Variants in CGNL1 observed in about 807,000 individuals in gnomAD.
CGNL1 encodes cingulin like 1.
Under a neutral mutation model 141.2 loss-of-function variants are expected in CGNL1, and 132 were observed. That is an observed-to-expected ratio of 0.93 (90% CI 0.81 to 1.08). The LOEUF (loss-of-function observed/expected upper bound fraction) is 1.08, where lower values mean the gene tolerates loss of function less well. Among genes scored for constraint, CGNL1 ranks in the 50% least tolerant of loss-of-function variants. The pLI, the probability that CGNL1 is intolerant of heterozygous loss-of-function variation, is 0.00. For synonymous variants in CGNL1, 690 were observed against 622.1 expected (o/e 1.11, Z -1.63); for missense variants, 1,870 against 1,588.6 (o/e 1.18, Z -3.01).
rs137969392 is a variant in CGNL1, at chr15:57,465,944, A to C, written c.2403+4052A>C. Among the ~76,000 whole-genome samples, 401 of 152,314 alleles carry C rather than the reference A, an allele frequency of 2.6e-3. 1 individual carries two copies. Among genetic ancestry groups the C allele is most frequent in the African/African-American group, 9.4e-3 (390 of 41,560 alleles). On this transcript the variant is annotated intron_variant, in intron 8 of 18. Transcript: ENST00000281282. ...ATAACTCTGTAATAGTGTATTTTGT[A>C]AACCCATCAGCCATATCTTTTAAAG...
At chr15:57,476,117 G>C (rs1156767509) in intron 8 of CGNL1, among the ~76,000 whole-genome samples, 1 of 152,178 alleles carries the variant, frequency 6.6e-6, no homozygotes. Context: ...AGACAGACAA[G>C]AAAGCTGACA....
chr15:57,542,879 T>C (rs1471268329), intron 14 of CGNL1, among the ~76,000 whole-genome samples: 1 of 152,164 alleles, frequency 6.6e-6, no homozygotes, highest in African/African-American at 2.4e-5. Context: ...ACCCTGCAAG[T>C]TGATTGACTT....
chr15:57,473,092 T>C (rs1274629627), intron 8 of CGNL1, among the ~76,000 whole-genome samples: 3 of 152,172 alleles, frequency 2.0e-5, no homozygotes, highest in Non-Finnish European at 4.4e-5. Flanking sequence ...GATGTGGATA[T>C]GGTCAAGCCA....
At chr15:57,473,907 T>C (rs1359394033) in intron 8 of CGNL1, among the ~76,000 whole-genome samples, 35 of 118,054 alleles carry the variant, frequency 3.0e-4, no homozygotes, top group Admixed American at 4.0e-4. Context: ...TTCTTTTTTT[T>C]TTTTTTTTTT....
Position 57,523,580 on chromosome 15 carries a change from A to G in CGNL1, c.2807A>G (p.Lys936Arg). The change falls in exon 11 of 19, where the codon AAG becomes AGG. Residue 936 changes from lysine (K) to arginine (R), a missense_variant. By Grantham distance (26) the Lys-to-Arg change is conservative. Transcript: ENST00000281282. ...CAGAAGGAGCAGCTAAGAAGGTTGA[A>G]GAACGAGATGGAGAATGAGCGGTGG... is the stretch of plus-strand genomic sequence containing the variant. The part of the protein sequence containing the change: ...SEQKEQLRRL[K>R]NEMENERWHL... 6.2e-7 allele frequency: 1 copy of G among 1,614,214 alleles called. No homozygotes were observed. The highest frequency in any genetic ancestry group is 8.5e-7 in the Non-Finnish European group (1 of 1,180,034).
In CGNL1 at chr15:57,543,685, G is replaced by C; in HGVS notation, c.3292-11G>C. On this transcript the variant is annotated splice_polypyrimidine_tract_variant and intron_variant, in intron 14 of 18. Transcript: ENST00000281282. ...CTTCTAACCTCTGGGCTTTTGTTCTGCTTGCTGTAGATGGAGCAGTTGAGG... is the reference window on the plus strand; with the variant it reads ...CTTCTAACCTCTGGGCTTTTGTTCTCCTTGCTGTAGATGGAGCAGTTGAGG... 1 of 1,610,878 alleles carries C rather than the reference G, an allele frequency of 6.2e-7. No homozygotes were observed. Among genetic ancestry groups the C allele is most frequent in the Non-Finnish European group, 8.5e-7 (1 of 1,177,194 alleles).
intron 8 of CGNL1, among the ~76,000 whole-genome samples, chr15:57,477,974 G>A (rs1325363081): frequency 6.6e-6 from 1 of 152,208 alleles, no homozygotes; most frequent in East Asian, 1.9e-4. Context: ...CCCCTGTGTA[G>A]CCACTGGTGT....
chr15:57,451,184 C>T (rs901326299), intron 4 of CGNL1, among the ~76,000 whole-genome samples: 4 of 152,162 alleles, frequency 2.6e-5, no homozygotes, highest in African/African-American at 7.2e-5. Context: ...GAATACATTA[C>T]GGACTTCTAA....
At chr15:57,469,418 G>A (rs769380789) in intron 8 of CGNL1, among the ~76,000 whole-genome samples, 2 of 150,862 alleles carry the variant, frequency 1.3e-5, no homozygotes, top group Non-Finnish European at 2.9e-5. Flanking sequence ...AGAAAGAAGC[G>A]AAGGGGGCCG....
chr15:57,464,695 CT>C (rs2063489011), intron 8 of CGNL1, among the ~76,000 whole-genome samples: 1 of 142,848 alleles, frequency 7.0e-6, no homozygotes, highest in Non-Finnish European at 1.5e-5. Flanking sequence ...CTTTCCTTTC[CT>C]TTCCTTTCCT....
intron 8 of CGNL1, among the ~76,000 whole-genome samples, chr15:57,472,921 A>G (rs2063601057): frequency 6.6e-6 from 1 of 152,206 alleles, no homozygotes; most frequent in South Asian, 2.1e-4. Flanking sequence ...CACTTACAGA[A>G]GCAGAGAAAG....
At chr15:57,440,177 T>A (rs2063168472) in intron 2 of CGNL1, among the ~76,000 whole-genome samples, 200 bp from the exon 3 acceptor site, 1 of 151,208 alleles carries the variant, frequency 6.6e-6, no homozygotes, top group Non-Finnish European at 1.5e-5. Context: ...GCACCAACCC[T>A]GTGCAGGTAG....
intron 1 of CGNL1, among the ~76,000 whole-genome samples, chr15:57,395,482 C>G (rs1223356394): frequency 1.3e-5 from 2 of 152,222 alleles, no homozygotes; most frequent in Non-Finnish European, 2.9e-5. Flanking sequence ...GCGTTATGCA[C>G]AGATGGCTAC....
At chr15:57,520,948 G>A (rs1295884190) in intron 10 of CGNL1, among the ~76,000 whole-genome samples, 8 of 152,094 alleles carry the variant, frequency 5.3e-5, no homozygotes, top group South Asian at 2.1e-4. Flanking sequence ...TAAAATCTGC[G>A]TCTGTTGACA....
intron 8 of CGNL1, among the ~76,000 whole-genome samples, chr15:57,463,756 C>T (rs1344138262): frequency 1.3e-5 from 2 of 152,240 alleles, no homozygotes; most frequent in African/African-American, 4.8e-5. Flanking sequence ...CCTAACCCAT[C>T]TCCAGAAAAC....
chr15:57,405,830 TTCTTTCTTTTC>T (rs2062715091), intron 1 of CGNL1: 2 of 93,884 alleles, frequency 2.1e-5, no homozygotes, highest in Non-Finnish European at 4.7e-5. Context: ...TTCTTTCTTT[TTCTTTCTTTTC>T]TTTTTCTTTC....
chr15:57,399,513 T>G (rs1405719027), intron 1 of CGNL1, among the ~76,000 whole-genome samples: 1 of 151,606 alleles, frequency 6.6e-6, no homozygotes, highest in Non-Finnish European at 1.5e-5. Context: ...AAGCCAGGCT[T>G]AATCACCTGA....
intron 1 of CGNL1, among the ~76,000 whole-genome samples, chr15:57,411,297 T>A (rs187740727): frequency 8.7e-4 from 133 of 152,316 alleles, no homozygotes; most frequent in African/African-American, 3.1e-3. Flanking sequence ...ATTTGTTCAC[T>A]TGGACGTTCT....
At chr15:57,433,759 G>A (rs2063072547) in intron 1 of CGNL1, among the ~76,000 whole-genome samples, 1 of 152,200 alleles carries the variant, frequency 6.6e-6, no homozygotes, top group South Asian at 2.1e-4. Flanking sequence ...TAAAAAGAGA[G>A]ACTGATGACA....
Sources: allele counts gnomAD v4.1 joint callset (sites outside exome capture counted in the v4.1 genomes callset), GRCh38; gene constraint gnomAD v4.1.1; transcripts MANE v1.5; gene names NCBI Gene and HGNC (gene_info 2026-07-23, HGNC 2026-07-21).